Variants in IPO8 observed in about 807,000 individuals in gnomAD.
IPO8 encodes importin-8.
In IPO8, 65 loss-of-function variants were observed where a neutral mutation model predicts 141.2. That is an observed-to-expected ratio of 0.46 (90% CI 0.38 to 0.57). The LOEUF (loss-of-function observed/expected upper bound fraction) is 0.57. Among genes scored for constraint, IPO8 ranks in the 20% least tolerant of loss-of-function variants. IPO8 has a pLI of 0.00. For synonymous variants in IPO8, 411 were observed against 420.3 expected, an observed-to-expected ratio of 0.98 and a Z score of 0.27; for missense variants, 980 against 1,246.8, an observed-to-expected ratio of 0.79 and a Z score of 3.22.
chr12:30,637,827 T>A (rs1318496762), intron 21 of IPO8, among the ~76,000 whole-genome samples: 2 of 152,144 alleles, frequency 1.3e-5, no homozygotes, highest in Admixed American at 6.6e-5. Context: ...ACTAAAAAAT[T>A]AAGAACTAAA....
chr12:30,665,722 T>C lies in IPO8; in HGVS notation c.1338+7A>G. The C allele has an allele frequency of 2.0e-6, 3 of 1,527,218 alleles. No homozygotes were observed. Among genetic ancestry groups the C allele is most frequent in the Non-Finnish European group, 2.7e-6 (3 of 1,101,552 alleles). 94.6% of individuals were successfully genotyped at this position (1,527,218 alleles called of 1,614,324 possible). A position where few individuals can be genotyped will look rare whatever the true frequency, so the allele number is the denominator to read the frequency against. On this transcript the variant is annotated splice_region_variant and intron_variant, in intron 12 of 24. Coordinates refer to ENST00000256079, the MANE Select transcript of IPO8 (RefSeq NM_006390.4). ...TATTAAGTAAATTAAATTTTGATTA[T>C]CTTAACCTTCAGTAAAATCTCAGCT...
At position 30,662,014 on chromosome 12, in the gene IPO8, G is replaced by A. The variant is rs1052550498; in HGVS notation, c.1755+313C>T. Among the ~76,000 whole-genome samples the A allele has an allele frequency of 2.0e-5, 3 of 152,104 alleles. No homozygotes were observed. In the East Asian group the frequency reaches 5.8e-4, roughly 29 times the overall value. Reference sequence around the variant, plus strand: ...ATTTCATCCTTGCTTGAACATCATTGAATGTACTTAGGCAAATCTAGATGG... The same window carrying A: ...ATTTCATCCTTGCTTGAACATCATTAAATGTACTTAGGCAAATCTAGATGG... On this transcript the variant is annotated intron_variant, in intron 15 of 24. Transcript: ENST00000256079.
Position 30,695,410 on chromosome 12 carries a change from C to G in IPO8, c.84+154G>C, listed in dbSNP as rs888969785. 1.3e-5 allele frequency among the ~76,000 whole-genome samples: 2 copies of G among 152,130 alleles called. No individual in the cohort carries two copies. Among genetic ancestry groups the G allele is most frequent in the Non-Finnish European group, 2.9e-5 (2 of 68,020 alleles). On this transcript the variant is annotated intron_variant, in intron 1 of 24. Coordinates refer to ENST00000256079, the MANE Select transcript of IPO8 (RefSeq NM_006390.4). This position sits in a 1 kb window ranked among gnomAD's most constrained non-coding sequence, Gnocchi z 4.2. ...TCCTGGGAGCCCTGCTCCACTGGAC[C>G]GGGGGGCAGCGGGGTCGGAGAGCGG... is the stretch of plus-strand genomic sequence containing the variant.
chr12:30,666,663 C>G (rs10843810), intron 10 of IPO8, among the ~76,000 whole-genome samples: 83,144 of 152,012 alleles, frequency 0.55, 23,346 homozygotes, highest in African/African-American at 0.67. Flanking sequence ...CAAAGAAACA[C>G]ATTATACATA....
At position 30,695,307 on chromosome 12, in the gene IPO8, A is replaced by G. The variant is rs2053327644; in HGVS notation, c.84+257T>C. 6.6e-6 allele frequency among the ~76,000 whole-genome samples: 1 copy of G among 152,246 alleles called. No homozygotes were observed. The highest frequency in any genetic ancestry group is 6.5e-5 in the Admixed American group (1 of 15,290). The stretch of plus-strand genomic sequence containing the variant: ...GCTTCTTGCGGACCAAGTAGGCAGA[A>G]CAAACTGCCCTGGAGAAGGGAGACG... On this transcript the variant is annotated intron_variant, in intron 1 of 24. Transcript: ENST00000256079. This position sits in a 1 kb window ranked among gnomAD's most constrained non-coding sequence, Gnocchi z 4.2.
At chr12:30,631,769 T>C in intron 24 of IPO8, 126 bp downstream of exon 24, 1 of 644,724 alleles carries the variant, frequency 1.6e-6, no homozygotes, top group Non-Finnish European at 2.8e-6. Flanking sequence ...CAATTCCTTA[T>C]TATCTTAAAG....
At chr12:30,666,125 T>C (rs2052961497) in intron 11 of IPO8, 50 bp downstream of exon 11, 2 of 1,171,982 alleles carry the variant, frequency 1.7e-6, no homozygotes, top group Non-Finnish European at 2.4e-6. Context: ...GAGTATCAAC[T>C]CAACACAGGC....
At chr12:30,672,098 AG>A in intron 8 of IPO8, among the ~76,000 whole-genome samples, 1 of 152,316 alleles carries the variant, frequency 6.6e-6, no homozygotes, top group South Asian at 2.1e-4. Flanking sequence ...GCCATGCCAA[AG>A]CACCTCTGAA....
intron 2 of IPO8, among the ~76,000 whole-genome samples, chr12:30,690,098 A>C (rs943595044): frequency 6.6e-6 from 1 of 152,226 alleles, no homozygotes; most frequent in African/African-American, 2.4e-5. Flanking sequence ...TGTGCAACAC[A>C]TTACCTCCAT....
intron 5 of IPO8, among the ~76,000 whole-genome samples, chr12:30,679,545 C>G (rs2053163526): frequency 6.6e-6 from 1 of 151,116 alleles, no homozygotes; most frequent in Non-Finnish European, 1.5e-5. Flanking sequence ...ACATTTGCCT[C>G]CTTCCCTCTT....
intron 8 of IPO8, among the ~76,000 whole-genome samples, chr12:30,672,092 T>C (rs540405988): frequency 6.6e-6 from 1 of 152,274 alleles, no homozygotes; most frequent in East Asian, 1.9e-4. Flanking sequence ...GAAAAAGCCA[T>C]GCCAAAGCAC....
At chr12:30,673,662 C>A (rs939114654) in intron 8 of IPO8, among the ~76,000 whole-genome samples, 1 of 152,122 alleles carries the variant, frequency 6.6e-6, no homozygotes, top group African/African-American at 2.4e-5. Context: ...AAATAAAGAT[C>A]AAAAAACTCA....
chr12:30,655,567 T>C (rs947154518), intron 17 of IPO8, among the ~76,000 whole-genome samples: 5 of 152,142 alleles, frequency 3.3e-5, no homozygotes, highest in Non-Finnish European at 7.4e-5. Context: ...GCTAACTAAA[T>C]TCTGTTCTTT....
chr12:30,652,292 G>C lies in IPO8; in HGVS notation c.2075-3C>G. On this transcript the variant is annotated splice_region_variant and splice_polypyrimidine_tract_variant and intron_variant, in intron 18 of 24. Transcript: ENST00000256079. ...ATTATGCAGGAGAGGCATCATGTCT[G>C]AAAAAAAATCAAAATCCCAATGAGA... 1 of 1,556,258 alleles carries C rather than the reference G, an allele frequency of 6.4e-7. No homozygotes were observed. Among genetic ancestry groups the C allele is most frequent in the Non-Finnish European group, 8.8e-7 (1 of 1,133,654 alleles).
At chr12:30,654,917 A>G (rs1375115480) in intron 17 of IPO8, among the ~76,000 whole-genome samples, 1 of 152,152 alleles carries the variant, frequency 6.6e-6, no homozygotes, top group Non-Finnish European at 1.5e-5. Flanking sequence ...TCACTGAAGC[A>G]TGTTTCACAA....
intron 6 of IPO8, among the ~76,000 whole-genome samples, chr12:30,675,013 T>C (rs941352893): frequency 6.6e-6 from 1 of 152,178 alleles, no homozygotes; most frequent in Admixed American, 6.5e-5. Flanking sequence ...CAAAACACCA[T>C]GGTTCCTTCA....
chr12:30,690,491 C>T lies in IPO8; in HGVS notation c.166+5G>A. ...AAATTTATAAAGGATAAAAAACCAA[C>T]TCACCTGCCTGTCGTACTGGGAATT... On this transcript the variant is annotated splice_donor_5th_base_variant and intron_variant, in intron 2 of 24. Coordinates refer to ENST00000256079, the MANE Select transcript of IPO8 (RefSeq NM_006390.4). The T allele has an allele frequency of 6.4e-7, 1 of 1,557,538 alleles. No individual in the cohort carries two copies. Among genetic ancestry groups the T allele is most frequent in the Non-Finnish European group, 8.8e-7 (1 of 1,142,220 alleles).
chr12:30,693,748 A>T (rs2136179365), intron 1 of IPO8, among the ~76,000 whole-genome samples: 2 of 152,350 alleles, frequency 1.3e-5, no homozygotes, highest in South Asian at 4.1e-4. Flanking sequence ...TATAAATGCT[A>T]AATGAGTGGT....
At chr12:30,634,052 T>A in intron 23 of IPO8, 31 bp downstream of exon 23, 1 of 1,551,854 alleles carries the variant, frequency 6.4e-7, no homozygotes, top group Non-Finnish European at 8.9e-7. Flanking sequence ...GAAAAAAAAA[T>A]ATCAGAAGAT....
Sources: gnomAD v4.1 joint callset for allele counts (sites outside exome capture counted in the v4.1 genomes callset) on GRCh38, gnomAD v4.1.1 for gene constraint, Gnocchi (gnomAD v3.1) non-coding constraint, MANE v1.5 for transcripts, NCBI Gene and HGNC (gene_info 2026-07-23, HGNC 2026-07-21) for gene names.